The following ANO6 variants were observed in gnomAD, a reference collection of about 807,000 sequenced individuals.
ANO6 encodes anoctamin 6.
In ANO6, 106 loss-of-function variants were observed where a neutral mutation model predicts 117.5. That is an observed-to-expected ratio of 0.90 (90% CI 0.77 to 1.06). The LOEUF (loss-of-function observed/expected upper bound fraction) is 1.06. ANO6 is among the 50% of genes least tolerant of loss of function. The pLI, the probability that ANO6 is intolerant of heterozygous loss-of-function variation, is 0.00. For missense variants in ANO6, 955 were observed against 1,121.1 expected (o/e 0.85, Z 2.12); for synonymous variants, 367 against 385.1 (o/e 0.95, Z 0.55).
At chr12:45,381,196 C>T (rs1942159790) in intron 10 of ANO6, among the ~76,000 whole-genome samples, 1 of 152,198 alleles carries the variant, frequency 6.6e-6, no homozygotes, top group African/African-American at 2.4e-5. Context: ...ATATGTGCAT[C>T]TTCTTCATCT....
At chr12:45,218,022 G>T (rs777260549) in intron 1 of ANO6, among the ~76,000 whole-genome samples, 1 of 152,170 alleles carries the variant, frequency 6.6e-6, no homozygotes, top group Non-Finnish European at 1.5e-5. Context: ...TTGAGGCATC[G>T]TATAAATTCA....
chr12:45,280,702 C>T (rs1938697935), intron 1 of ANO6, among the ~76,000 whole-genome samples: 2 of 152,082 alleles, frequency 1.3e-5, no homozygotes, highest in South Asian at 2.1e-4. Flanking sequence ...TTCAAACTCT[C>T]ACTGTCTTCC....
At chr12:45,256,971 C>T (rs1206380978) in intron 1 of ANO6, among the ~76,000 whole-genome samples, 1 of 151,998 alleles carries the variant, frequency 6.6e-6, no homozygotes, top group Non-Finnish European at 1.5e-5. Context: ...CCAGGAGATG[C>T]AAATTCTTGC....
rs1478156382 is a variant in ANO6 at position 45,431,154 on chromosome 12, G to A, written c.*1843G>A. 1.0e-5 allele frequency: 10 copies of A among 985,290 alleles called. No homozygotes were observed. The highest frequency in any genetic ancestry group is 1.2e-5 in the Non-Finnish European group (10 of 829,832). 61.0% of individuals were successfully genotyped at this position (985,290 alleles called of 1,614,324 possible). A position where few individuals can be genotyped will look rare whatever the true frequency, so the allele number is the denominator to read the frequency against. Reference sequence around the variant, plus strand: ...TGTCTCTCTTGATCGTGTTAATGATGCAATCAGAGTTCAAGACAGGCCCCA... The same window carrying A: ...TGTCTCTCTTGATCGTGTTAATGATACAATCAGAGTTCAAGACAGGCCCCA... On this transcript the variant is annotated 3_prime_UTR_variant, in exon 20 of 20. Coordinates refer to ENST00000320560, the MANE Select transcript of ANO6 (RefSeq NM_001025356.3).
At chr12:45,426,780 T>C (rs574825567) in intron 19 of ANO6, among the ~76,000 whole-genome samples, 7 of 152,228 alleles carry the variant, frequency 4.6e-5, no homozygotes, top group Admixed American at 3.3e-4. Flanking sequence ...GACTCATCCC[T>C]TGGTTGTCAT....
intron 3 of ANO6, among the ~76,000 whole-genome samples, chr12:45,337,913 T>C (rs557766004): frequency 6.6e-5 from 10 of 152,014 alleles, no homozygotes; most frequent in African/African-American, 2.4e-4. Flanking sequence ...AAAATAAATA[T>C]AAATGTTAGG....
At chr12:45,345,418 A>T (rs1407553609) in intron 3 of ANO6, among the ~76,000 whole-genome samples, 1 of 152,108 alleles carries the variant, frequency 6.6e-6, no homozygotes, top group East Asian at 1.9e-4. Context: ...TAGAGTGGGC[A>T]GATCATGAGT....
intron 10 of ANO6, among the ~76,000 whole-genome samples, chr12:45,386,018 A>G (rs1220304850): frequency 1.3e-5 from 2 of 152,116 alleles, no homozygotes; most frequent in East Asian, 1.9e-4. Flanking sequence ...TTCACTCTCT[A>G]CTTCAGTGAG....
At chr12:45,432,773 C>T (rs112079497), downstream of ANO6, among the ~76,000 whole-genome samples, 61 of 152,266 alleles carry the variant, frequency 4.0e-4, no homozygotes, top group African/African-American at 1.4e-3. Flanking sequence ...AAACTAGAAA[C>T]GTCTTTCTCT....
chr12:45,284,319 T>G (rs1315027336), intron 1 of ANO6, among the ~76,000 whole-genome samples: 1 of 142,240 alleles, frequency 7.0e-6, no homozygotes, highest in Non-Finnish European at 1.6e-5. Flanking sequence ...ATAAGTACTT[T>G]ATGGCCAGAA....
chr12:45,402,412 TC>T (rs61198693), intron 13 of ANO6, among the ~76,000 whole-genome samples: 4,907 of 152,300 alleles, frequency 0.032, 238 homozygotes, highest in African/African-American at 0.11. Context: ...CTACGTGTCT[TC>T]CCTGTGCTGT....
chr12:45,415,696 CT>C (rs1298949530), intron 16 of ANO6, among the ~76,000 whole-genome samples: 1 of 152,226 alleles, frequency 6.6e-6, no homozygotes, highest in East Asian at 1.9e-4. Context: ...CCTGTCTGCT[CT>C]TCTGCAACAT....
At chr12:45,328,741 T>C (rs1940560744) in intron 2 of ANO6, among the ~76,000 whole-genome samples, 1 of 152,174 alleles carries the variant, frequency 6.6e-6, no homozygotes, top group Admixed American at 6.6e-5. Flanking sequence ...ACTTTAGTAG[T>C]TGTCTATTAT....
intron 1 of ANO6, among the ~76,000 whole-genome samples, chr12:45,270,787 C>T (rs929570363): frequency 2.0e-5 from 3 of 152,102 alleles, no homozygotes; most frequent in Non-Finnish European, 2.9e-5. Context: ...AGTCTCACTC[C>T]GTCACCCATG....
Position 45,409,419 on chromosome 12 carries a change from G to T in ANO6, c.1943G>T (p.Arg648Leu), listed in dbSNP as rs151249310. 9.1e-5 allele frequency: 147 copies of T among 1,614,012 alleles called. No individual in the cohort carries two copies. The African/African-American group carries it at 1.8e-3, about 20-fold the overall frequency. Residue 648 changes from arginine to leucine, a missense_variant, in exon 16 of 20, where the codon CGA becomes CTA. Transcript: ENST00000320560. ...RVSGSEKITP[R>L]WEQDYHLQPM... ...TCTGGATCAGAAAAGATAACCCCAC[G>T]ATGGGAACAGGACTACCATCTGCAG...
chr12:45,341,483 G>C (rs1940976691), intron 3 of ANO6, among the ~76,000 whole-genome samples: 1 of 152,172 alleles, frequency 6.6e-6, no homozygotes, highest in South Asian at 2.1e-4. Context: ...AGTGTTTTCT[G>C]CGTCTATGAT....
intron 1 of ANO6, among the ~76,000 whole-genome samples, chr12:45,298,677 A>G (rs542362971): frequency 6.6e-6 from 1 of 152,322 alleles, no homozygotes; most frequent in South Asian, 2.1e-4. Context: ...GACATTAACC[A>G]GTGAATCTAT....
intron 7 of ANO6, 144 bp from the exon 8 acceptor site, chr12:45,357,146 C>A: frequency 1.2e-6 from 1 of 858,112 alleles, no homozygotes; most frequent in Non-Finnish European, 1.8e-6. Context: ...TCAGGGTCTG[C>A]TGTGAAAATG....
At chr12:45,276,804 T>A (rs1178580749) in intron 1 of ANO6, among the ~76,000 whole-genome samples, 1 of 152,220 alleles carries the variant, frequency 6.6e-6, no homozygotes, top group Non-Finnish European at 1.5e-5. Context: ...TTTATATGTG[T>A]TCATGCCATG....
Sources: gnomAD v4.1 joint callset for allele counts (sites outside exome capture counted in the v4.1 genomes callset) on GRCh38, gnomAD v4.1.1 for gene constraint, MANE v1.5 for transcripts, NCBI Gene and HGNC (gene_info 2026-07-23, HGNC 2026-07-21) for gene names.